Variants in ASB5 observed in about 807,000 individuals in gnomAD.
ASB5 encodes ankyrin repeat and SOCS box containing 5.
ASB5 carries 45 observed loss-of-function variants against 42.1 expected under a neutral mutation model. That is an observed-to-expected ratio of 1.07 (90% CI 0.84 to 1.37). The LOEUF (loss-of-function observed/expected upper bound fraction) is 1.37. Ranked by LOEUF, ASB5 falls within the 40% of genes most tolerant of loss-of-function variation. The pLI, the probability that ASB5 is intolerant of heterozygous loss-of-function variation, is 0.00. For synonymous variants in ASB5, 147 were observed against 150.6 expected, an observed-to-expected ratio of 0.98 and a Z score of 0.18; for missense variants, 402 against 399.8, an observed-to-expected ratio of 1.01 and a Z score of -0.05.
intron 5 of ASB5, among the ~76,000 whole-genome samples, chr4:176,218,218 G>GATATATAAATATATATATTTGTATGAC (rs199848866): frequency 1.0e-4 from 3 of 29,184 alleles, no homozygotes; most frequent in East Asian, 1.8e-3. Context: ...ATATTTGTAT[G>GATATATAAATATATATATTTGTATGAC]ATATAAATAT....
intron 3 of ASB5, 96 bp downstream of exon 3, chr4:176,222,217 C>A: frequency 9.0e-7 from 1 of 1,111,808 alleles, no homozygotes; most frequent in African/African-American, 1.6e-5. Flanking sequence ...TTTTTGAAAA[C>A]TACCGAGAAT....
upstream of ASB5, among the ~76,000 whole-genome samples, chr4:176,273,063 C>T (rs2126982656): frequency 6.6e-6 from 1 of 151,758 alleles, no homozygotes; most frequent in East Asian, 1.9e-4. Context: ...AGTCCTCCCA[C>T]CTCAGCCACT....
At chr4:176,260,083 T>A (rs1754228929) in intron 1 of ASB5, among the ~76,000 whole-genome samples, 1 of 152,236 alleles carries the variant, frequency 6.6e-6, no homozygotes, top group Non-Finnish European at 1.5e-5. Flanking sequence ...TAACAAATAA[T>A]ATTTTCCATA....
At chr4:176,231,355 GA>G (rs1302558713) in intron 1 of ASB5, among the ~76,000 whole-genome samples, 2 of 151,870 alleles carry the variant, frequency 1.3e-5, no homozygotes, top group Admixed American at 6.6e-5. Context: ...AACAGCTTTT[GA>G]AAAGGTGATT....
rs147740260 is a variant in ASB5 at position 176,268,710 on chromosome 4, T to A, written c.196+203A>T. Among the ~76,000 whole-genome samples the A allele has an allele frequency of 1.6e-4, 24 of 152,268 alleles. No individual in the cohort carries two copies. In the East Asian group the frequency reaches 4.6e-3, roughly 29 times the overall value. On this transcript the variant is annotated intron_variant, in intron 1 of 6. Coordinates refer to ENST00000296525, the MANE Select transcript of ASB5 (RefSeq NM_080874.4). ...ATGCCTTCCTTAATCTCTTTTGCAA[T>A]GATACCTTGATTTTAACCCAAACAT...
intron 5 of ASB5, among the ~76,000 whole-genome samples, chr4:176,218,807 GAT>G (rs1753072097): frequency 2.8e-5 from 1 of 35,724 alleles, no homozygotes; most frequent in Non-Finnish European, 5.1e-5. Flanking sequence ...ATATTTGTAT[GAT>G]ATATAAATAT....
intron 1 of ASB5, among the ~76,000 whole-genome samples, chr4:176,236,545 C>T (rs1753688614): frequency 6.6e-6 from 1 of 152,108 alleles, no homozygotes. Flanking sequence ...CAGTTGCTTT[C>T]TCAAACTTTG....
chr4:176,277,206 T>C (rs1324712907), intron 1 of ASB5: 3 of 152,104 alleles, frequency 2.0e-5, no homozygotes, highest in Non-Finnish European at 4.4e-5. Context: ...TGCCCCAGAG[T>C]AATTTTTCAA....
At chr4:176,243,930 C>G (rs868341637) in intron 1 of ASB5, among the ~76,000 whole-genome samples, 26 of 152,234 alleles carry the variant, frequency 1.7e-4, no homozygotes, top group Middle Eastern at 3.4e-3. Flanking sequence ...ATGTTTTAGA[C>G]AGGACATTTC....
intron 1 of ASB5, among the ~76,000 whole-genome samples, chr4:176,235,547 G>T (rs1753662874): frequency 6.6e-6 from 1 of 152,104 alleles, no homozygotes; most frequent in African/African-American, 2.4e-5. Context: ...TAATCATATA[G>T]CTAGAGCATT....
In ASB5 at chr4:176,221,136, A is replaced by T; in HGVS notation, c.670+19T>A. On this transcript the variant is annotated intron_variant, in intron 5 of 6. Coordinates refer to ENST00000296525, the MANE Select transcript of ASB5 (RefSeq NM_080874.4). The stretch of plus-strand genomic sequence containing the variant: ...CTTGTGTGTATGGACAGAATGGAAG[A>T]TGTTTTAAAGGAAAATACCAGCATA... 1 of 1,603,574 alleles carries T rather than the reference A, an allele frequency of 6.2e-7. No homozygotes were observed. Among genetic ancestry groups the T allele is most frequent in the East Asian group, 2.2e-5 (1 of 44,832 alleles).
At chr4:176,217,951 T>C (rs1753019227) in intron 5 of ASB5, among the ~76,000 whole-genome samples, 1 of 151,710 alleles carries the variant, frequency 6.6e-6, no homozygotes, top group Non-Finnish European at 1.5e-5. Context: ...CAAATTTCAA[T>C]AAATGTAATC....
Position 176,221,502 on chromosome 4 carries a change from T to C in ASB5, c.483A>G (p.Lys161=). ...CAELLLEYGA[K]AQLESCLPSP... is the part of the protein sequence containing the mutation. ...ATGGAAGACATGACTCCAGCTGGGC[T>C]TTGGCACCATACTCCAGAAGCAGCT... The change falls in exon 4 of 7, where the codon AAA becomes AAG. Residue 161 remains lysine, a synonymous_variant. Transcript: ENST00000296525. 6.2e-7 allele frequency: 1 copy of C among 1,614,172 alleles called. No homozygotes were observed. The highest frequency in any genetic ancestry group is 8.5e-7 in the Non-Finnish European group (1 of 1,180,024).
chr4:176,256,273 G>A (rs1364490057), intron 1 of ASB5, among the ~76,000 whole-genome samples: 2 of 152,142 alleles, frequency 1.3e-5, no homozygotes, highest in Non-Finnish European at 2.9e-5. Context: ...TTTTCCCACT[G>A]TTTTTATTAT....
intron 1 of ASB5, among the ~76,000 whole-genome samples, chr4:176,228,752 C>A (rs1180345393): frequency 6.6e-6 from 1 of 152,254 alleles, no homozygotes; most frequent in East Asian, 1.9e-4. Flanking sequence ...GAAATTGGAA[C>A]ATTGTGTTAT....
chr4:176,247,160 C>T (rs369325623), intron 1 of ASB5, among the ~76,000 whole-genome samples: 19 of 151,792 alleles, frequency 1.3e-4, no homozygotes, highest in East Asian at 1.2e-3. Context: ...CCCCAGGAGA[C>T]GATAATAAAA....
rs78571246 is a variant in ASB5, at chr4:176,266,250, A to G, written c.196+2663T>C. ...TCAACAGGGTCTTCGGTGATTATGAAAGACATGAAAATAATACACGCCATC... is the reference window on the plus strand; with the variant it reads ...TCAACAGGGTCTTCGGTGATTATGAGAGACATGAAAATAATACACGCCATC... On this transcript the variant is annotated intron_variant, in intron 1 of 6. Transcript: ENST00000296525. 6.2e-3 allele frequency among the ~76,000 whole-genome samples: 949 copies of G among 152,310 alleles called. 24 individuals carry two copies. The East Asian group carries it at 0.071, about 11-fold the overall frequency.
intron 1 of ASB5, among the ~76,000 whole-genome samples, chr4:176,238,206 C>CAAAAAA (rs3060874): frequency 2.0e-5 from 2 of 101,162 alleles, no homozygotes; most frequent in Non-Finnish European, 3.9e-5. Flanking sequence ...GACTCCGTCT[C>CAAAAAA]AAAAAAAAAA....
At chr4:176,221,875 A>G (rs1753222490) in intron 3 of ASB5, among the ~76,000 whole-genome samples, 1 of 152,188 alleles carries the variant, frequency 6.6e-6, no homozygotes, top group African/African-American at 2.4e-5. Context: ...ATCTAATTCA[A>G]TGATTAGATA....
Sources: gnomAD v4.1 joint callset for allele counts (sites outside exome capture counted in the v4.1 genomes callset) on GRCh38, gnomAD v4.1.1 for gene constraint, MANE v1.5 for transcripts, NCBI Gene and HGNC (gene_info 2026-07-23, HGNC 2026-07-21) for gene names.